GPHN: variants seen among roughly 807,000 people sequenced by gnomAD.
GPHN encodes the protein gephyrin.
GPHN carries 17 observed loss-of-function variants against 95.5 expected under a neutral mutation model. The observed-to-expected ratio is 0.18, with a 90% CI of 0.12 to 0.27. The LOEUF (loss-of-function observed/expected upper bound fraction) is 0.27. Ranked by LOEUF, GPHN falls within the 10% of genes least tolerant of loss-of-function variation. The pLI is 1.00. For missense variants in GPHN, 660 were observed against 978.1 expected, an observed-to-expected ratio of 0.67 and a Z score of 4.34; for synonymous variants, 320 against 322.5, an observed-to-expected ratio of 0.99 and a Z score of 0.08.
At chr14:66,841,309 T>A (rs2062078632) in intron 4 of GPHN, among the ~76,000 whole-genome samples, 1 of 152,026 alleles carries the variant, frequency 6.6e-6, no homozygotes, top group South Asian at 2.1e-4. Context: ...AAGATGACAT[T>A]TGAACAAAGA....
intron 1 of GPHN, among the ~76,000 whole-genome samples, chr14:66,528,151 T>C (rs1566760823): frequency 6.6e-6 from 1 of 152,212 alleles, no homozygotes; most frequent in Non-Finnish European, 1.5e-5. Flanking sequence ...GGTGCTCCAG[T>C]ATTGGGTGCA....
intron 5 of GPHN, among the ~76,000 whole-genome samples, chr14:66,891,475 T>C (rs1216917358): frequency 6.6e-6 from 1 of 152,066 alleles, no homozygotes; most frequent in Non-Finnish European, 1.5e-5. Flanking sequence ...CTTTGCCTAC[T>C]GAATATAAAA....
At chr14:67,573,204 C>G in the GPHN span, 2 of 929,868 alleles carry the variant, frequency 2.2e-6, no homozygotes, top group East Asian at 4.8e-5. This position sits in a 1 kb window ranked among gnomAD's most constrained non-coding sequence, Gnocchi z 4.8. Context: ...AGCTGGACCA[C>G]TTGGACCTGT....
intron 8 of GPHN, among the ~76,000 whole-genome samples, chr14:66,958,656 T>C (rs771104597): frequency 9.9e-5 from 15 of 152,134 alleles, no homozygotes; most frequent in Non-Finnish European, 2.1e-4. Context: ...TTGAAACATA[T>C]CTAAACATAG....
intron 1 of GPHN, among the ~76,000 whole-genome samples, chr14:66,649,516 T>C (rs1595398564): frequency 1.3e-5 from 2 of 152,298 alleles, no homozygotes; most frequent in East Asian, 3.9e-4. Flanking sequence ...CCCTGCCTTC[T>C]GTTAGATCAG....
At chr14:66,699,990 T>C (rs553834784) in intron 2 of GPHN, among the ~76,000 whole-genome samples, 1 of 152,190 alleles carries the variant, frequency 6.6e-6, no homozygotes, top group South Asian at 2.1e-4. Flanking sequence ...AAACTAATCT[T>C]AATTTTAGAG....
At chr14:67,720,018 A>G in the GPHN span, among the ~76,000 whole-genome samples, 1 of 152,166 alleles carries the variant, frequency 6.6e-6, no homozygotes, top group African/African-American at 2.4e-5. Context: ...ACTTCTCTCT[A>G]TGGAGGCTTT....
the GPHN span, among the ~76,000 whole-genome samples, chr14:67,632,808 A>ATTT: frequency 0.042 from 2,650 of 62,494 alleles, 364 homozygotes; most frequent in Non-Finnish European, 0.057. Flanking sequence ...AAGCCTCTTA[A>ATTT]TTTTTTTTTT....
At chr14:67,109,920 C>T (rs1264257153) in intron 13 of GPHN, among the ~76,000 whole-genome samples, 1 of 152,066 alleles carries the variant, frequency 6.6e-6, no homozygotes, top group East Asian at 1.9e-4. Context: ...TAGTCATTAC[C>T]TTAAAGTACA....
the GPHN span, chr14:67,590,097 T>C: frequency 6.4e-7 from 1 of 1,550,946 alleles, no homozygotes; most frequent in Non-Finnish European, 8.7e-7. Flanking sequence ...CTTGTTGATG[T>C]GGCTTTCTGG....
chr14:67,187,401 C>G, the GPHN span, among the ~76,000 whole-genome samples: 2 of 152,048 alleles, frequency 1.3e-5, no homozygotes, highest in Admixed American at 6.6e-5. Context: ...TCCCTAAGCC[C>G]AGTGAGTCAC....
At chr14:66,920,813 A>G (rs987197389) in intron 6 of GPHN, among the ~76,000 whole-genome samples, 1 of 151,960 alleles carries the variant, frequency 6.6e-6, no homozygotes, top group Admixed American at 6.6e-5. Context: ...GCGTCCTCAT[A>G]GCTTAGCTCC....
intron 7 of GPHN, among the ~76,000 whole-genome samples, chr14:66,923,851 C>T (rs1407906474): frequency 6.6e-6 from 1 of 151,126 alleles, no homozygotes; most frequent in East Asian, 1.9e-4. Flanking sequence ...TTGAAGTGTC[C>T]ATTCAGTGAT....
At chr14:67,066,332 C>T (rs2076056961) in intron 11 of GPHN, among the ~76,000 whole-genome samples, 1 of 152,182 alleles carries the variant, frequency 6.6e-6, no homozygotes, top group Non-Finnish European at 1.5e-5. Flanking sequence ...TGTGGGTAAC[C>T]TGACCTTTCT....
the GPHN span, among the ~76,000 whole-genome samples, chr14:67,636,795 A>G: frequency 4.1e-4 from 62 of 152,370 alleles, no homozygotes; most frequent in African/African-American, 1.4e-3. Context: ...GTGAAAAATG[A>G]GACCCTTTCA....
the GPHN span, among the ~76,000 whole-genome samples, chr14:67,713,440 A>G: frequency 6.6e-6 from 1 of 151,780 alleles, no homozygotes; most frequent in African/African-American, 2.4e-5. Context: ...GATGTACAGC[A>G]AAATAAGCTT....
chr14:67,020,656 A>T (rs2073569033), intron 9 of GPHN, among the ~76,000 whole-genome samples: 3 of 152,230 alleles, frequency 2.0e-5, no homozygotes, highest in South Asian at 4.1e-4. Flanking sequence ...TAAGTCCTTC[A>T]TGTTTTTTAT....
intron 2 of GPHN, among the ~76,000 whole-genome samples, chr14:66,758,550 A>G (rs1370074026): frequency 1.3e-5 from 2 of 152,116 alleles, no homozygotes; most frequent in South Asian, 2.1e-4. Flanking sequence ...GCGAGAAGAG[A>G]GAAACTGGGT....
the GPHN span, among the ~76,000 whole-genome samples, chr14:67,568,121 GA>G: frequency 9.9e-4 from 150 of 152,186 alleles, no homozygotes; most frequent in Admixed American, 2.0e-3. Flanking sequence ...TCCTGCAGGG[GA>G]AAAAACGTGC....
Sources: gnomAD v4.1 joint callset for allele counts (sites outside exome capture counted in the v4.1 genomes callset) on GRCh38, gnomAD v4.1.1 for gene constraint, Gnocchi (gnomAD v3.1) non-coding constraint, MANE v1.5 for transcripts, NCBI Gene and HGNC (gene_info 2026-07-23, HGNC 2026-07-21) for gene names.